Variants in GLRA2 observed in about 807,000 individuals in gnomAD.
GLRA2 encodes glycine receptor subunit alpha-2.
In GLRA2, 11 loss-of-function variants were observed where a neutral mutation model predicts 31.6. That is an observed-to-expected ratio of 0.35 (90% CI 0.22 to 0.58). GLRA2 has a LOEUF of 0.58. Among genes scored for constraint, GLRA2 ranks in the 20% least tolerant of loss-of-function variants. The pLI is 0.84. For missense variants in GLRA2, 212 were observed against 351.8 expected (o/e 0.60, Z 3.18); for synonymous variants, 132 against 134.0 (o/e 0.99, Z 0.10).
chrX:14,709,580 A>G (rs1399980728), intron 8 of GLRA2, among the ~76,000 whole-genome samples: 1 of 112,490 alleles, frequency 8.9e-6, no homozygotes, highest in Non-Finnish European at 1.9e-5. Flanking sequence ...GTTGCGTATA[A>G]GAAGCTATAA....
the GLRA2 span, among the ~76,000 whole-genome samples, chrX:14,469,683 T>A: frequency 1.4e-5 from 1 of 71,921 alleles, no homozygotes; most frequent in Non-Finnish European, 2.5e-5. Flanking sequence ...CATCACACTC[T>A]GGGGACTGTT....
intron 8 of GLRA2, among the ~76,000 whole-genome samples, chrX:14,720,950 A>C (rs2147255306): frequency 9.1e-6 from 1 of 109,467 alleles, no homozygotes; most frequent in South Asian, 4.0e-4. Context: ...TGGACAATAT[A>C]GTGAGACCCC....
At chrX:14,619,196 TCC>T (rs775730177) in intron 7 of GLRA2, among the ~76,000 whole-genome samples, 1 of 110,895 alleles carries the variant, frequency 9.0e-6, no homozygotes, top group Non-Finnish European at 1.9e-5. Flanking sequence ...TTGGATAGTC[TCC>T]CTGATTCCAT....
rs757761012 is a variant in GLRA2 at position 14,542,473 on chromosome X, A to G, written c.202+10101A>G. The stretch of plus-strand genomic sequence containing the variant: ...TCAGTCCATGGTTGGTGGTCTTCTT[A>G]TTAGGAGAAAGTTACTGACATCAGT... On this transcript the variant is annotated intron_variant, in intron 2 of 8. Coordinates refer to ENST00000218075, the MANE Select transcript of GLRA2 (RefSeq NM_002063.4). Among the ~76,000 whole-genome samples, 4 of 111,440 alleles carry G rather than the reference A, an allele frequency of 3.6e-5. No individual in the cohort carries two copies. The East Asian group carries it at 1.1e-3, about 32-fold the overall frequency.
At chrX:14,721,120 CAAAAA>C (rs35339624) in intron 8 of GLRA2, among the ~76,000 whole-genome samples, 2 of 71,682 alleles carry the variant, frequency 2.8e-5, no homozygotes, top group Non-Finnish European at 2.6e-5. Context: ...GACCCTGTCT[CAAAAA>C]AAAAAAAAAA....
intron 7 of GLRA2, among the ~76,000 whole-genome samples, chrX:14,613,479 C>A (rs1462263763): frequency 2.0e-4 from 22 of 110,198 alleles, no homozygotes; most frequent in South Asian, 1.1e-3. Context: ...ACAAAGAAAG[C>A]AAAACAACAA....
At chrX:14,575,202 ATT>A (rs111757969) in intron 3 of GLRA2, among the ~76,000 whole-genome samples, 1,461 of 90,880 alleles carry the variant, frequency 0.016, 30 homozygotes, top group African/African-American at 0.06. Context: ...CTACCAGTGC[ATT>A]TTTTTTTTTT....
chrX:14,602,398 TAATG>T (rs911529851), intron 4 of GLRA2, among the ~76,000 whole-genome samples: 8 of 110,301 alleles, frequency 7.3e-5, no homozygotes, highest in Middle Eastern at 4.7e-3. Flanking sequence ...TTTTGTAAGA[TAATG>T]AGTAGTTTGT....
At chrX:14,618,907 A>G (rs2090483474) in intron 7 of GLRA2, among the ~76,000 whole-genome samples, 1 of 111,676 alleles carries the variant, frequency 9.0e-6, no homozygotes, top group Non-Finnish European at 1.9e-5. Flanking sequence ...TTTTCAAGTC[A>G]GAAACAGCAC....
chrX:14,520,322 T>C, the GLRA2 span, among the ~76,000 whole-genome samples: 1 of 112,677 alleles, frequency 8.9e-6, no homozygotes, highest in Non-Finnish European at 1.9e-5. Flanking sequence ...CTCATTGTTA[T>C]TCATTATTAT....
At chrX:14,512,560 G>A in the GLRA2 span, among the ~76,000 whole-genome samples, 1 of 111,691 alleles carries the variant, frequency 9.0e-6, no homozygotes, top group Non-Finnish European at 1.9e-5. Context: ...ACTGAAATAT[G>A]AATTCAGCAA....
chrX:14,595,009 T>C (rs1397263710), intron 4 of GLRA2, among the ~76,000 whole-genome samples: 2 of 107,706 alleles, frequency 1.9e-5, no homozygotes, highest in Admixed American at 2.0e-4. Context: ...AGTCTAACCA[T>C]ACAGCTTAGA....
intron 7 of GLRA2, among the ~76,000 whole-genome samples, chrX:14,653,518 G>T (rs989943139): frequency 2.7e-5 from 3 of 112,269 alleles, no homozygotes; most frequent in Non-Finnish European, 5.6e-5. Context: ...GAGCCTAAAG[G>T]TGTGACTGAA....
chrX:14,642,646 A>G (rs1009503630), intron 7 of GLRA2, among the ~76,000 whole-genome samples: 16 of 110,162 alleles, frequency 1.5e-4, no homozygotes, highest in African/African-American at 5.3e-4. Flanking sequence ...ATTTCTTACT[A>G]TTATATATCC....
intron 7 of GLRA2, among the ~76,000 whole-genome samples, chrX:14,688,604 C>T (rs1054029248): frequency 9.9e-5 from 11 of 111,606 alleles, no homozygotes; most frequent in Middle Eastern, 4.2e-3. Flanking sequence ...CCGAGCCAGG[C>T]GCAGGATATA....
At chrX:14,690,637 G>C in intron 7 of GLRA2, 73 bp from the exon 8 acceptor site, 1 of 746,009 alleles carries the variant, frequency 1.3e-6, no homozygotes, top group Non-Finnish European at 2.0e-6. Context: ...CTGGTTTCCT[G>C]GCAGGCTTTC....
At chrX:14,475,713 C>CAT in the GLRA2 span, among the ~76,000 whole-genome samples, 2 of 111,057 alleles carry the variant, frequency 1.8e-5, no homozygotes, top group African/African-American at 6.5e-5. Flanking sequence ...CACACACACA[C>CAT]ATATATGTAA....
At chrX:14,453,766 T>C in the GLRA2 span, among the ~76,000 whole-genome samples, 1 of 112,017 alleles carries the variant, frequency 8.9e-6, no homozygotes, top group Middle Eastern at 4.6e-3. Context: ...TTATTCATAA[T>C]AACCCAAAAC....
intron 2 of GLRA2, among the ~76,000 whole-genome samples, chrX:14,562,116 A>T (rs1480951699): frequency 1.8e-5 from 2 of 112,306 alleles, no homozygotes; most frequent in Non-Finnish European, 3.8e-5. Context: ...ACCATAGTTC[A>T]CATAGGTGTA....
Sources: gnomAD v4.1 joint callset for allele counts (sites outside exome capture counted in the v4.1 genomes callset) on GRCh38, gnomAD v4.1.1 for gene constraint, MANE v1.5 for transcripts, NCBI Gene and HGNC (gene_info 2026-07-23, HGNC 2026-07-21) for gene names.